Variants in ZZZ3 observed in about 807,000 individuals in gnomAD.
ZZZ3 encodes the protein ZZ-type zinc finger-containing protein 3.
Under a neutral mutation model 95.2 loss-of-function variants are expected in ZZZ3, and 22 were observed. The observed-to-expected ratio is 0.23, with a 90% confidence interval of 0.17 to 0.33. The LOEUF (loss-of-function observed/expected upper bound fraction) is 0.33. Ranked by LOEUF, ZZZ3 falls within the 10% of genes least tolerant of loss-of-function variation. The pLI is 1.00. For missense variants in ZZZ3, 885 were observed against 1,066.5 expected (o/e 0.83, Z 2.37); for synonymous variants, 335 against 358.9 (o/e 0.93, Z 0.75).
At position 77,576,180 on chromosome 1, in the gene ZZZ3, A is replaced by G; in HGVS notation, c.2219T>C (p.Leu740Pro). Residue 740 changes from leucine (L) to proline (P), a missense_variant, in exon 12 of 15, where the codon CTC becomes CCC. Coordinates refer to ENST00000370801, the MANE Select transcript of ZZZ3 (RefSeq NM_015534.6). Reference protein sequence around the residue: ...SRRQHPLNKHLFKPSTFMTSH... With the variant: ...SRRQHPLNKHPFKPSTFMTSH... ...AGTCATGAAAGTGGAAGGCTTAAAG[A>G]GATGCTTATTAAGAGGGTGCTGTCG... 6.2e-7 allele frequency: 1 copy of G among 1,611,574 alleles called. No individual in the cohort carries two copies. The highest frequency in any genetic ancestry group is 8.5e-7 in the Non-Finnish European group (1 of 1,179,226).
At chr1:77,647,973 G>A (rs1669445765) in intron 1 of ZZZ3, among the ~76,000 whole-genome samples, 1 of 152,142 alleles carries the variant, frequency 6.6e-6, no homozygotes, top group Non-Finnish European at 1.5e-5. Context: ...ACTCCACTGT[G>A]TCCCAGAACA....
chr1:77,649,300 G>A (rs1054891489), intron 1 of ZZZ3, among the ~76,000 whole-genome samples: 11 of 151,908 alleles, frequency 7.2e-5, no homozygotes, highest in East Asian at 3.9e-4. Flanking sequence ...AATGACAGCT[G>A]ACTTCTCGGT....
At chr1:77,575,448 CT>C (rs1376753497) in intron 12 of ZZZ3, among the ~76,000 whole-genome samples, 2 of 152,174 alleles carry the variant, frequency 1.3e-5, no homozygotes, top group African/African-American at 4.8e-5. Flanking sequence ...CCTGCCCACC[CT>C]AACAAACAAA....
chr1:77,644,598 T>C (rs2100923815), intron 1 of ZZZ3, among the ~76,000 whole-genome samples: 1 of 152,346 alleles, frequency 6.6e-6, no homozygotes, highest in East Asian at 1.9e-4. Context: ...TGTGATTCTC[T>C]GTCATCAATA....
intron 1 of ZZZ3, among the ~76,000 whole-genome samples, chr1:77,663,810 G>A (rs1671025174): frequency 6.6e-6 from 1 of 151,096 alleles, no homozygotes; most frequent in African/African-American, 2.4e-5. Flanking sequence ...GTGCAATGGC[G>A]CGATCTTGGC....
Position 77,653,677 on chromosome 1 carries a change from T to G in ZZZ3, c.-402-12022A>C, listed in dbSNP as rs1418948529. ...CTGAGGCAGGAGAATCACTTGAACC[T>G]GGGAGGCGGAGGTTGCGGTGAGCCT... On this transcript the variant is annotated intron_variant, in intron 1 of 14. Transcript: ENST00000370801. Among the ~76,000 whole-genome samples, 3 of 151,506 alleles carry G rather than the reference T, an allele frequency of 2.0e-5. No individual in the cohort carries two copies. In the East Asian group the frequency reaches 5.9e-4, roughly 30 times the overall value.
intron 1 of ZZZ3, among the ~76,000 whole-genome samples, chr1:77,675,689 T>A (rs1360336079): frequency 6.6e-6 from 1 of 152,008 alleles, no homozygotes; most frequent in East Asian, 1.9e-4. Context: ...ACCAGAAAAA[T>A]CTGTAAACAG....
chr1:77,638,125 C>T (rs900813200), intron 4 of ZZZ3, among the ~76,000 whole-genome samples: 1 of 152,056 alleles, frequency 6.6e-6, no homozygotes, highest in Non-Finnish European at 1.5e-5. Context: ...TGGTCAGTAA[C>T]TAGAATTAAC....
chr1:77,568,471 C>CAAA lies in ZZZ3; in HGVS notation c.2332-8_2332-6dup, dbSNP rs10581619. 66 of 593,398 alleles carry CAAA rather than the reference C, an allele frequency of 1.1e-4. No homozygotes were observed. Among genetic ancestry groups the CAAA allele is most frequent in the South Asian group, 4.1e-4 (9 of 22,034 alleles). The allele number at this position is 593,398 out of a possible 1,614,324, so 36.8% of individuals were successfully genotyped here. A position where few individuals can be genotyped will look rare whatever the true frequency, so the allele number is the denominator to read the frequency against. ...GATAGGAATACTTTCGTCATCCTATCAAAAAAAAAAAAAAAAAAAAATGTT... is the reference window on the plus strand; with the variant it reads ...GATAGGAATACTTTCGTCATCCTATCAAAAAAAAAAAAAAAAAAAAAAAATGTT... On this transcript the variant is annotated splice_region_variant and splice_polypyrimidine_tract_variant and intron_variant, in intron 12 of 14. Coordinates refer to ENST00000370801, the MANE Select transcript of ZZZ3 (RefSeq NM_015534.6).
chr1:77,672,028 A>C (rs968619839), intron 1 of ZZZ3, among the ~76,000 whole-genome samples: 16 of 152,232 alleles, frequency 1.1e-4, no homozygotes, highest in Non-Finnish European at 1.8e-4. Context: ...AGGGACAATA[A>C]GAGATTTCAT....
intron 11 of ZZZ3, among the ~76,000 whole-genome samples, chr1:77,577,909 G>A (rs1004398521): frequency 2.3e-4 from 35 of 152,088 alleles, no homozygotes; most frequent in Middle Eastern, 3.2e-3. Flanking sequence ...GTGAGCCACC[G>A]TGCCCGGCCG....
Position 77,633,197 on chromosome 1 carries a change from C to T in ZZZ3, c.158G>A (p.Arg53Lys). Reference protein sequence around the residue: ...SQVRSRSPKKRPEPVPIQKGN... With the variant: ...SQVRSRSPKKKPEPVPIQKGN... ...TTTCTGAATTGGCACAGGCTCTGGTCTCTTCTTTGGTGATCTTGATCGTAC... is the reference window on the plus strand; with the variant it reads ...TTTCTGAATTGGCACAGGCTCTGGTTTCTTCTTTGGTGATCTTGATCGTAC... Residue 53 changes from arginine (R) to lysine (K), a missense_variant, in exon 5 of 15, where the codon AGA becomes AAA. By Grantham distance (26) the Arg-to-Lys change is conservative (BLOSUM62 2). Coordinates refer to ENST00000370801, the MANE Select transcript of ZZZ3 (RefSeq NM_015534.6). 6.2e-7 allele frequency: 1 copy of T among 1,614,114 alleles called. No individual in the cohort carries two copies. The highest frequency in any genetic ancestry group is 8.5e-7 in the Non-Finnish European group (1 of 1,180,002).
chr1:77,580,614 A>T (rs1662407858), intron 9 of ZZZ3: 1 of 161,140 alleles, frequency 6.2e-6, no homozygotes, highest in Non-Finnish European at 1.4e-5. Context: ...ACAACAATAT[A>T]CACCTGACTC....
intron 3 of ZZZ3, among the ~76,000 whole-genome samples, chr1:77,640,600 CAAAAA>C (rs78243648): frequency 2.6e-5 from 2 of 76,666 alleles, no homozygotes; most frequent in Non-Finnish European, 2.7e-5. Flanking sequence ...AACTCAGTCT[CAAAAA>C]AAAAAAAAAA....
chr1:77,579,211 T>A (rs376012342), intron 10 of ZZZ3, among the ~76,000 whole-genome samples: 7 of 152,144 alleles, frequency 4.6e-5, no homozygotes, highest in African/African-American at 1.7e-4. Flanking sequence ...CAGGAAACAC[T>A]AAGGCAATGA....
At chr1:77,629,766 T>C (rs1255250506) in intron 5 of ZZZ3, among the ~76,000 whole-genome samples, 1 of 152,188 alleles carries the variant, frequency 6.6e-6, no homozygotes, top group African/African-American at 2.4e-5. Flanking sequence ...ACAAAGCAAC[T>C]AGCATCCAAA....
At chr1:77,661,737 T>G (rs1162670082) in intron 1 of ZZZ3, among the ~76,000 whole-genome samples, 1 of 152,184 alleles carries the variant, frequency 6.6e-6, no homozygotes, top group East Asian at 1.9e-4. Context: ...AATTGCTTTC[T>G]TTTTCCAAGT....
intron 1 of ZZZ3, among the ~76,000 whole-genome samples, chr1:77,670,291 G>A (rs1012834380): frequency 4.0e-5 from 6 of 149,532 alleles, no homozygotes; most frequent in African/African-American, 1.2e-4. Flanking sequence ...GCAGAGTCTC[G>A]CTCTGTCACC....
intron 13 of ZZZ3, among the ~76,000 whole-genome samples, chr1:77,566,680 C>T (rs561843750): frequency 6.6e-6 from 1 of 152,276 alleles, no homozygotes; most frequent in South Asian, 2.1e-4. Flanking sequence ...CTAACATAAA[C>T]CCAGGCAACA....
Sources: gnomAD v4.1 joint callset for allele counts (sites outside exome capture counted in the v4.1 genomes callset) on GRCh38, gnomAD v4.1.1 for gene constraint, MANE v1.5 for transcripts, NCBI Gene and HGNC (gene_info 2026-07-23, HGNC 2026-07-21) for gene names.